Variants in ACTN4 observed in about 807,000 individuals in gnomAD.
The protein encoded by ACTN4 is actinin alpha 4.
In ACTN4, 18 loss-of-function variants were observed where a neutral mutation model predicts 114.2. That is an observed-to-expected ratio of 0.16 (90% CI 0.11 to 0.23). The LOEUF (loss-of-function observed/expected upper bound fraction) is 0.23, where lower values mean the gene tolerates loss of function less well. ACTN4 is among the 10% of genes least tolerant of loss of function. ACTN4 has a pLI of 1.00. For missense variants in ACTN4, 722 were observed against 1,262.9 expected (o/e 0.57, Z 6.49); for synonymous variants, 515 against 506.3 (o/e 1.02, Z -0.23).
At chr19:38,686,965 C>CTTTTT (rs34122839) in intron 1 of ACTN4, among the ~76,000 whole-genome samples, 1 of 138,106 alleles carries the variant, frequency 7.2e-6, no homozygotes, top group African/African-American at 2.7e-5. Context: ...GGCAGAGTCT[C>CTTTTT]TTTTTTTTTT....
intron 1 of ACTN4, among the ~76,000 whole-genome samples, chr19:38,661,464 CT>C (rs1451474710): frequency 6.6e-6 from 1 of 152,152 alleles, no homozygotes; most frequent in Admixed American, 6.5e-5. Flanking sequence ...GGGAGCTTAA[CT>C]TTTACAACAT....
intron 16 of ACTN4, among the ~76,000 whole-genome samples, chr19:38,725,243 T>G (rs1969191726): frequency 6.6e-6 from 1 of 151,478 alleles, no homozygotes; most frequent in Admixed American, 6.6e-5. Flanking sequence ...TGAGAGGGGG[T>G]CCGGGTGCCA....
Position 38,730,844 on chromosome 19 carries a change from C to T in ACTN4, c.*1412C>T, listed in dbSNP as rs914421143. The T allele has an allele frequency of 1.7e-5, 26 of 1,550,886 alleles. No individual in the cohort carries two copies. The Admixed American group carries it at 2.0e-4, about 12-fold the overall frequency. ...GCCCTGAGCAGCAGGTGCGCCCATC[C>T]GGAGATCCTAGGAGAAGGTGGCCAC... On this transcript the variant is annotated 3_prime_UTR_variant, in exon 21 of 21. Transcript: ENST00000252699.
intron 19 of ACTN4, chr19:38,728,258 G>A: frequency 1.3e-6 from 2 of 1,518,048 alleles, no homozygotes; most frequent in Admixed American, 2.0e-5. Flanking sequence ...ACATGGGGCG[G>A]CCCCTCTTGC....
At position 38,647,807 on chromosome 19, in the gene ACTN4, G is replaced by A. The variant is rs779348202; in HGVS notation, c.62G>A (p.Gly21Asp). Residue 21 changes from glycine (G) to aspartate (D), a missense_variant, in exon 1 of 21, where the codon GGC (glycine) becomes GAC (aspartate). Transcript: ENST00000252699. ...TACGGCCCCAGCAGCGCGGGCAATG[G>A]CGCTGGCGGCGGGGGCAGCATGGGC... Reference protein sequence around the residue: ...YQYGPSSAGNGAGGGGSMGDY... With the variant: ...YQYGPSSAGNDAGGGGSMGDY... 5.8e-6 allele frequency: 9 copies of A among 1,554,038 alleles called. No individual in the cohort carries two copies. The East Asian group carries it at 7.6e-5, about 13-fold the overall frequency.
In ACTN4 at chr19:38,730,572, C is replaced by T; in HGVS notation, c.*1140C>T. On this transcript the variant is annotated 3_prime_UTR_variant, in exon 21 of 21. Transcript: ENST00000252699. ...CTTTTTTTATTTCTCCTGTGTCTGT[C>T]CTCCACCTTCTAGGAGAGCCAGGGC... is the stretch of plus-strand genomic sequence containing the variant. 1 of 543,172 alleles carries T rather than the reference C, an allele frequency of 1.8e-6. No homozygotes were observed. The highest frequency in any genetic ancestry group is 2.5e-5 in the South Asian group (1 of 39,942). 33.6% of individuals were successfully genotyped at this position (543,172 alleles called of 1,614,324 possible). A position where few individuals can be genotyped will look rare whatever the true frequency, so the allele number is the denominator to read the frequency against.
At chr19:38,714,349 C>A in intron 8 of ACTN4, 120 bp from the exon 9 acceptor site, 2 of 887,956 alleles carry the variant, frequency 2.3e-6, no homozygotes, top group Non-Finnish European at 1.8e-6. Flanking sequence ...GCTGTGCTTC[C>A]TCTCCTTCCC....
At chr19:38,710,389 G>GC in intron 8 of ACTN4, 47 bp downstream of exon 8, 3 of 1,582,266 alleles carry the variant, frequency 1.9e-6, no homozygotes, top group Non-Finnish European at 2.6e-6. Flanking sequence ...ACCGCGCAAT[G>GC]CCGCCGCTGC....
At chr19:38,716,058 C>T (rs533980236) in intron 9 of ACTN4, among the ~76,000 whole-genome samples, 9 of 152,238 alleles carry the variant, frequency 5.9e-5, no homozygotes, top group East Asian at 3.9e-4. Context: ...CGCACCACCA[C>T]GCCCAGCTAA....
At chr19:38,725,426 G>A (rs1969199218) in intron 16 of ACTN4, among the ~76,000 whole-genome samples, 1 of 152,244 alleles carries the variant, frequency 6.6e-6, no homozygotes, top group South Asian at 2.1e-4. Context: ...TCTGCAGTCA[G>A]GGCCTGCCAC....
At chr19:38,649,962 G>A (rs1312974326) in intron 1 of ACTN4, among the ~76,000 whole-genome samples, 2 of 152,178 alleles carry the variant, frequency 1.3e-5, no homozygotes, top group Non-Finnish European at 2.9e-5. Context: ...GGATGGACAG[G>A]TTGCGATAGT....
chr19:38,728,033 C>T lies in ACTN4; in HGVS notation c.2418+7C>T, dbSNP rs747673427. On this transcript the variant is annotated splice_region_variant and intron_variant, in intron 19 of 20. Transcript: ENST00000252699. ...CGTGGAGAACGACCGGCAGGTACTG[C>T]ACCCTGGGCCCCAGCGGACCATGGC... 6.8e-6 allele frequency: 11 copies of T among 1,607,750 alleles called. No individual in the cohort carries two copies. Among genetic ancestry groups the T allele is most frequent in the Admixed American group, 1.7e-5 (1 of 59,386 alleles).
At chr19:38,654,533 G>T (rs1976657336) in intron 1 of ACTN4, among the ~76,000 whole-genome samples, 1 of 148,364 alleles carries the variant, frequency 6.7e-6, no homozygotes, top group Admixed American at 6.9e-5. Context: ...CTGCACTCCA[G>T]CCTGGACGAC....
chr19:38,699,767 A>G (rs920336739), intron 1 of ACTN4, among the ~76,000 whole-genome samples: 1 of 150,854 alleles, frequency 6.6e-6, no homozygotes, highest in Non-Finnish European at 1.5e-5. Context: ...AAAAAAAAAA[A>G]GGAAAAAAAA....
intron 1 of ACTN4, among the ~76,000 whole-genome samples, chr19:38,649,587 G>A (rs1379459550): frequency 6.6e-6 from 1 of 152,196 alleles, no homozygotes; most frequent in Non-Finnish European, 1.5e-5. Context: ...AATAAAGAGG[G>A]ATGTGTGTAG....
chr19:38,728,491 C>T, intron 19 of ACTN4: 1 of 784,210 alleles, frequency 1.3e-6, no homozygotes, highest in South Asian at 1.6e-5. Flanking sequence ...GCTTCCTCGT[C>T]CTCGGGGACA....
intron 9 of ACTN4, among the ~76,000 whole-genome samples, 186 bp from the exon 10 acceptor site, chr19:38,716,900 C>T (rs943034764): frequency 2.0e-5 from 3 of 152,254 alleles, no homozygotes; most frequent in East Asian, 1.9e-4. Flanking sequence ...AGGGAGCCCA[C>T]GCTCCCAGAG....
chr19:38,651,364 C>T (rs894057209), intron 1 of ACTN4, among the ~76,000 whole-genome samples: 1 of 152,152 alleles, frequency 6.6e-6, no homozygotes, highest in Non-Finnish European at 1.5e-5. Context: ...CATGAGTGTT[C>T]TCCTGGCGGG....
chr19:38,702,266 G>T (rs1424708578), intron 3 of ACTN4, among the ~76,000 whole-genome samples: 1 of 152,226 alleles, frequency 6.6e-6, no homozygotes, highest in Non-Finnish European at 1.5e-5. Flanking sequence ...TGCCCAAATT[G>T]GTTCACTCCC....
Sources: gnomAD v4.1 joint callset for allele counts (sites outside exome capture counted in the v4.1 genomes callset) on GRCh38, gnomAD v4.1.1 for gene constraint, MANE v1.5 for transcripts, NCBI Gene and HGNC (gene_info 2026-07-23, HGNC 2026-07-21) for gene names.